WDR89: variants seen among roughly 807,000 people sequenced by gnomAD.
WDR89 encodes the protein WD repeat-containing protein 89.
In WDR89, 17 loss-of-function variants were observed where a neutral mutation model predicts 29.1. That is an observed-to-expected ratio of 0.58 (90% confidence interval 0.40 to 0.88). The LOEUF (loss-of-function observed/expected upper bound fraction) is 0.88. Among genes scored for constraint, WDR89 ranks in the 40% least tolerant of loss-of-function variants. The probability of loss-of-function intolerance (pLI) is 0.00; values close to 1 mark genes in which losing one functional copy is unlikely to be tolerated. For synonymous variants in WDR89, 138 were observed against 157.8 expected (o/e 0.87, Z 0.94); for missense variants, 396 against 456.3 (o/e 0.87, Z 1.20).
chr14:63,626,306 C>CA (rs1304119423), intron 1 of WDR89, among the ~76,000 whole-genome samples: 1 of 151,890 alleles, frequency 6.6e-6, no homozygotes, highest in Non-Finnish European at 1.5e-5. Context: ...TTTATCCAAA[C>CA]AAAAAATAAT....
In WDR89 at chr14:63,599,199, A is replaced by AT; in HGVS notation, c.743dup (p.His248GlnfsTer5). On this transcript the variant is annotated frameshift_variant, in exon 3 of 3. Transcript: ENST00000620954. LOFTEE classifies it high-confidence loss of function. Reference sequence around the variant, plus strand: ...GTGTAACTGGTTCATCAGTGTCCAGATGATTAAGATCCCACCAATAAAATC... The same window carrying AT: ...GTGTAACTGGTTCATCAGTGTCCAGATTGATTAAGATCCCACCAATAAAATC... The AT allele has an allele frequency of 1.9e-6, 3 of 1,607,452 alleles. No individual in the cohort carries two copies. Among genetic ancestry groups the AT allele is most frequent in the Non-Finnish European group, 2.6e-6 (3 of 1,175,684 alleles).
intron 2 of WDR89, chr14:63,601,455 C>T (rs1895057609): frequency 4.7e-6 from 5 of 1,069,218 alleles, no homozygotes; most frequent in East Asian, 2.4e-5. Flanking sequence ...CCTAGTAACA[C>T]TATAATAAAT....
intron 2 of WDR89, chr14:63,601,809 A>C: frequency 9.5e-7 from 1 of 1,051,310 alleles, no homozygotes. Context: ...AAAGTACGTA[A>C]ACTGAAATAA....
intron 2 of WDR89, among the ~76,000 whole-genome samples, chr14:63,613,227 G>A (rs978034641): frequency 6.6e-6 from 1 of 152,100 alleles, no homozygotes; most frequent in Non-Finnish European, 1.5e-5. Flanking sequence ...GGCTGCATCA[G>A]TCAATCAGCG....
chr14:63,641,097 C>CAAAAAAAAAAAAAAAAAAGAAAAAA (rs1884093913), intron 1 of WDR89, among the ~76,000 whole-genome samples: 3 of 64,158 alleles, frequency 4.7e-5, no homozygotes, highest in Non-Finnish European at 7.1e-5. Flanking sequence ...GACTCCATCT[C>CAAAAAAAAAAAAAAAAAAGAAAAAA]AAAAAAAAAA....
At chr14:63,612,908 C>G (rs958977061) in intron 2 of WDR89, among the ~76,000 whole-genome samples, 2 of 152,146 alleles carry the variant, frequency 1.3e-5, no homozygotes, top group African/African-American at 4.8e-5. Flanking sequence ...ATACCTGGGA[C>G]TTGTTGGAAT....
In WDR89 at chr14:63,607,893, A is replaced by G. The variant is rs570353339; in HGVS notation, c.-31-7920T>C. Among the ~76,000 whole-genome samples, 1,016 of 150,736 alleles carry G rather than the reference A, an allele frequency of 6.7e-3. 9 individuals are homozygous for G. The highest frequency in any genetic ancestry group is 0.011 in the Non-Finnish European group (722 of 67,780). ...CGAAAGTCTGACTCAAAAAAAAAAA[A>G]AAAAGAAAAGAAAAAGGAAAGAAAC... On this transcript the variant is annotated intron_variant, in intron 2 of 2. Transcript: ENST00000620954.
Position 63,598,991 on chromosome 14 carries a change from C to T in WDR89, c.952G>A (p.Gly318Arg), listed in dbSNP as rs950244789. 3.7e-6 allele frequency: 6 copies of T among 1,614,056 alleles called. No individual in the cohort carries two copies. The highest frequency in any genetic ancestry group is 5.1e-6 in the Non-Finnish European group (6 of 1,180,028). Residue 318 changes from glycine (G) to arginine (R), a missense_variant, in exon 3 of 3, where the codon GGA becomes AGA. Transcript: ENST00000620954. ...GAACGGACTGTAGCAGCATGCCCTC[C>T]CTGAAGGCTAGTCACATGGGTCAGT... ...SGLTHVTSLQ[G>R]GHAATVRSFC...
chr14:63,613,191 T>A (rs1425586491), intron 2 of WDR89, among the ~76,000 whole-genome samples: 1 of 152,192 alleles, frequency 6.6e-6, no homozygotes, highest in Non-Finnish European at 1.5e-5. Context: ...TGAAAGGCTA[T>A]CTGCTGATCA....
In WDR89 at chr14:63,599,575, A is replaced by T. The variant is rs1894950983; in HGVS notation, c.368T>A (p.Ile123Asn). ...YPSNIFISFD[I>N]NCNDHIICAG... ...ACAAATAATATGATCATTACAATTAATATCAAAACTGATAAAAATATTGGA... is the reference window on the plus strand; with the variant it reads ...ACAAATAATATGATCATTACAATTATTATCAAAACTGATAAAAATATTGGA... The change falls in exon 3 of 3, where the codon ATT becomes AAT. Residue 123 changes from isoleucine to asparagine, a missense_variant. By Grantham distance (149) the Ile-to-Asn change is moderately radical (BLOSUM62 -3). Coordinates refer to ENST00000620954, the MANE Select transcript of WDR89 (RefSeq NM_080666.4). 1 of 1,614,126 alleles carries T rather than the reference A, an allele frequency of 6.2e-7. No homozygotes were observed. The highest frequency in any genetic ancestry group is 1.3e-5 in the African/African-American group (1 of 75,060).
chr14:63,637,819 G>A (rs572146008), intron 1 of WDR89, among the ~76,000 whole-genome samples: 1 of 152,208 alleles, frequency 6.6e-6, no homozygotes, highest in South Asian at 2.1e-4. Flanking sequence ...GGGGGGGCAA[G>A]GGATTAAAAG....
chr14:63,624,231 G>T (rs1397924131), intron 2 of WDR89, among the ~76,000 whole-genome samples: 1 of 152,024 alleles, frequency 6.6e-6, no homozygotes. Flanking sequence ...ACTTTGGGAG[G>T]CCTGGGAGGT....
At chr14:63,600,221 T>G (rs1302277965) in intron 2 of WDR89, among the ~76,000 whole-genome samples, 1 of 152,052 alleles carries the variant, frequency 6.6e-6, no homozygotes, top group African/African-American at 2.4e-5. Flanking sequence ...CTACCAGGAG[T>G]GGTGGCTCAC....
chr14:63,632,899 C>T (rs1883501035), intron 1 of WDR89, among the ~76,000 whole-genome samples: 1 of 152,038 alleles, frequency 6.6e-6, no homozygotes, highest in Non-Finnish European at 1.5e-5. Flanking sequence ...AAAGATAGTC[C>T]TTTTATTACA....
At chr14:63,621,465 G>C (rs1342467003) in intron 2 of WDR89, among the ~76,000 whole-genome samples, 1 of 152,068 alleles carries the variant, frequency 6.6e-6, no homozygotes, top group African/African-American at 2.4e-5. Context: ...GGGTATGGTG[G>C]CAGGCACCTG....
intron 1 of WDR89, among the ~76,000 whole-genome samples, chr14:63,636,423 T>C (rs887292555): frequency 5.3e-5 from 8 of 152,010 alleles, no homozygotes; most frequent in East Asian, 1.9e-4. Context: ...AATCCTAAAA[T>C]TCATATGGAA....
chr14:63,612,942 TG>T (rs1384905435), intron 2 of WDR89, among the ~76,000 whole-genome samples: 1 of 152,180 alleles, frequency 6.6e-6, no homozygotes, highest in African/African-American at 2.4e-5. Context: ...GGACATTCAA[TG>T]GGATCTCAGA....
chr14:63,603,790 A>T (rs991779183), intron 2 of WDR89, among the ~76,000 whole-genome samples: 1 of 152,160 alleles, frequency 6.6e-6, no homozygotes, highest in Non-Finnish European at 1.5e-5. Flanking sequence ...TCTTCCTTCA[A>T]CTTAAGTATT....
chr14:63,603,836 G>A (rs1453589112), intron 2 of WDR89, among the ~76,000 whole-genome samples: 4 of 152,160 alleles, frequency 2.6e-5, no homozygotes, highest in African/African-American at 9.7e-5. Context: ...TAACGCTGGG[G>A]TAGTCACCTC....
Sources: gnomAD v4.1 joint callset for allele counts (sites outside exome capture counted in the v4.1 genomes callset) on GRCh38, gnomAD v4.1.1 for gene constraint, MANE v1.5 for transcripts, NCBI Gene and HGNC (gene_info 2026-07-23, HGNC 2026-07-21) for gene names.